Variants in RABGAP1L observed in about 807,000 individuals in gnomAD.
The protein encoded by RABGAP1L is RAB GTPase activating protein 1 like.
Under a neutral mutation model 137.7 loss-of-function variants are expected in RABGAP1L, and 63 were observed. The ratio of observed to expected loss-of-function variants is 0.46; its 90% CI spans 0.37 to 0.56. The LOEUF (loss-of-function observed/expected upper bound fraction) is 0.56. Ranked by LOEUF, RABGAP1L falls within the 20% of genes least tolerant of loss-of-function variation. The probability of loss-of-function intolerance (pLI) is 0.00; values close to 1 mark genes in which losing one functional copy is unlikely to be tolerated. For synonymous variants in RABGAP1L, 431 were observed against 433.7 expected, an observed-to-expected ratio of 0.99 and a Z score of 0.08; for missense variants, 1,095 against 1,244.0, an observed-to-expected ratio of 0.88 and a Z score of 1.80.
chr1:174,612,188 G>T (rs981244661), intron 13 of RABGAP1L, among the ~76,000 whole-genome samples: 1 of 152,156 alleles, frequency 6.6e-6, no homozygotes, highest in African/African-American at 2.4e-5. Flanking sequence ...TATTGGCTGT[G>T]GGTCTGTCAT....
intron 19 of RABGAP1L, among the ~76,000 whole-genome samples, chr1:174,815,610 GC>G (rs1454031439): frequency 6.6e-6 from 1 of 152,156 alleles, no homozygotes; most frequent in East Asian, 1.9e-4. Flanking sequence ...AATAGATGCA[GC>G]AGTTGCAAGC....
chr1:174,647,535 C>G (rs946037505), intron 14 of RABGAP1L, among the ~76,000 whole-genome samples: 2 of 151,766 alleles, frequency 1.3e-5, no homozygotes, highest in Non-Finnish European at 2.9e-5. Flanking sequence ...GTTGAACAAG[C>G]CTTGCATCCC....
chr1:174,400,431 C>T lies in RABGAP1L; in HGVS notation c.1710+6286C>T, dbSNP rs1648432107. Among the ~76,000 whole-genome samples, 7 of 152,034 alleles carry T rather than the reference C, an allele frequency of 4.6e-5. No homozygotes were observed. In the South Asian group the frequency reaches 1.5e-3, roughly 32 times the overall value. On this transcript the variant is annotated intron_variant, in intron 13 of 25. Coordinates refer to ENST00000681986, the MANE Select transcript of RABGAP1L (RefSeq NM_001366446.1). ...ATTGCTCCTTATGAAATAGCCTATG[C>T]CTGGCATAGGGCCTGCCTGACACAT... is the stretch of plus-strand genomic sequence containing the variant.
intron 19 of RABGAP1L, among the ~76,000 whole-genome samples, chr1:174,902,881 TC>T (rs1279769623): frequency 6.9e-6 from 1 of 145,140 alleles, no homozygotes; most frequent in African/African-American, 2.9e-5. Context: ...AATTCACTCT[TC>T]CTTTTTCATT....
At chr1:174,798,401 T>C (rs1346826391) in intron 18 of RABGAP1L, among the ~76,000 whole-genome samples, 1 of 150,822 alleles carries the variant, frequency 6.6e-6, no homozygotes, top group South Asian at 2.1e-4. Context: ...ACAATCCGTT[T>C]CAAACAAAAA....
At position 174,534,802 on chromosome 1, in the gene RABGAP1L, A is replaced by T. The variant is rs6425285; in HGVS notation, c.1711-102573A>T. 9.1e-3 allele frequency among the ~76,000 whole-genome samples: 1,250 copies of T among 137,280 alleles called. 32 individuals are homozygous for T. Among genetic ancestry groups the T allele is most frequent in the East Asian group, 0.037 (179 of 4,806 alleles). The allele number at this position is 137,280 out of a possible 152,430, so 90.1% of individuals were successfully genotyped here. A position where few individuals can be genotyped will look rare whatever the true frequency, so the allele number is the denominator to read the frequency against. ...AAAAAAAAAAAAAAAAAAAAAAAAA[A>T]AATAATTAGAATAGTATGCCAGTAT... On this transcript the variant is annotated intron_variant, in intron 13 of 25. Coordinates refer to ENST00000681986, the MANE Select transcript of RABGAP1L (RefSeq NM_001366446.1).
At chr1:174,220,583 G>A in intron 2 of RABGAP1L, 1 of 154,280 alleles carries the variant, frequency 6.5e-6, no homozygotes, top group Non-Finnish European at 1.4e-5. Context: ...CATGAGAATC[G>A]CTTGAACCCA....
At chr1:174,923,540 A>G (rs1182097710) in intron 19 of RABGAP1L, among the ~76,000 whole-genome samples, 2 of 152,206 alleles carry the variant, frequency 1.3e-5, no homozygotes, top group Non-Finnish European at 2.9e-5. Flanking sequence ...GCCAAATTAT[A>G]TAATAATGTT....
intron 14 of RABGAP1L, among the ~76,000 whole-genome samples, chr1:174,672,986 A>G (rs1333145964): frequency 6.6e-6 from 1 of 152,186 alleles, no homozygotes; most frequent in Non-Finnish European, 1.5e-5. Context: ...AAATAGGGAT[A>G]GGATTCGAAC....
chr1:174,539,463 C>A (rs144979847), intron 13 of RABGAP1L, among the ~76,000 whole-genome samples: 3,169 of 152,142 alleles, frequency 0.021, 116 homozygotes, highest in African/African-American at 0.073. Context: ...CCACAACAGG[C>A]CCTGGTGTGT....
intron 17 of RABGAP1L, among the ~76,000 whole-genome samples, chr1:174,742,274 T>G (rs1683503399): frequency 8.2e-6 from 1 of 121,988 alleles, no homozygotes; most frequent in Non-Finnish European, 1.6e-5. Context: ...TCCCAGCACT[T>G]TAGGAGGCCA....
At chr1:174,272,548 C>G in intron 8 of RABGAP1L, 68 bp downstream of exon 8, 2 of 1,402,890 alleles carry the variant, frequency 1.4e-6, no homozygotes, top group Non-Finnish European at 1.9e-6. Context: ...CAAGTATTTT[C>G]TATTTACAAA....
At chr1:174,626,593 C>T (rs1247992217) in intron 13 of RABGAP1L, among the ~76,000 whole-genome samples, 1 of 152,126 alleles carries the variant, frequency 6.6e-6, no homozygotes. Flanking sequence ...GACTGGGAAG[C>T]AGTTTGTTCA....
intron 13 of RABGAP1L, among the ~76,000 whole-genome samples, chr1:174,401,997 C>CT (rs1648651254): frequency 6.6e-6 from 1 of 152,118 alleles, no homozygotes; most frequent in Admixed American, 6.6e-5. Flanking sequence ...ACTCTACAGT[C>CT]TAAGTGAGCA....
At chr1:174,313,011 A>G (rs1679004248) in intron 11 of RABGAP1L, among the ~76,000 whole-genome samples, 1 of 152,104 alleles carries the variant, frequency 6.6e-6, no homozygotes, top group Admixed American at 6.6e-5. Context: ...TCTGTAGTAT[A>G]GTTTGAAGTC....
At chr1:174,694,177 CA>C (rs767103529) in intron 15 of RABGAP1L, among the ~76,000 whole-genome samples, 1 of 151,678 alleles carries the variant, frequency 6.6e-6, no homozygotes, top group African/African-American at 2.4e-5. Context: ...TGTACTATGC[CA>C]TTTTTTTTCT....
intron 13 of RABGAP1L, among the ~76,000 whole-genome samples, chr1:174,600,847 C>T (rs1670350471): frequency 6.6e-6 from 1 of 152,146 alleles, no homozygotes; most frequent in Non-Finnish European, 1.5e-5. Context: ...GTATGGTGGC[C>T]CTATTCTCAC....
intron 13 of RABGAP1L, among the ~76,000 whole-genome samples, chr1:174,608,997 CTT>C (rs1572490474): frequency 6.6e-6 from 1 of 152,106 alleles, no homozygotes; most frequent in Admixed American, 6.6e-5. Context: ...CTACTTAACA[CTT>C]ATACCGAATT....
chr1:174,598,383 C>T (rs1421192058), intron 13 of RABGAP1L, among the ~76,000 whole-genome samples: 2 of 149,706 alleles, frequency 1.3e-5, no homozygotes, highest in African/African-American at 2.5e-5. Flanking sequence ...TGAGGAGAAG[C>T]ATATGTATTC....
Sources: allele counts gnomAD v4.1 joint callset (sites outside exome capture counted in the v4.1 genomes callset), GRCh38; gene constraint gnomAD v4.1.1; transcripts MANE v1.5; gene names NCBI Gene and HGNC (gene_info 2026-07-23, HGNC 2026-07-21).